GRIN2B: variants seen among roughly 807,000 people sequenced by gnomAD.
GRIN2B encodes the protein glutamate receptor ionotropic, NMDA 2B.
A neutral mutation model predicts 114.5 loss-of-function variants in GRIN2B; 5 were observed. That is an observed-to-expected ratio of 0.04 (90% confidence interval 0.02 to 0.09). The LOEUF (loss-of-function observed/expected upper bound fraction) is 0.09. Among genes scored for constraint, GRIN2B ranks in the 10% least tolerant of loss-of-function variants. GRIN2B has a pLI of 1.00. For missense variants in GRIN2B, 1,108 were observed against 1,943.5 expected (o/e 0.57, Z 8.08); for synonymous variants, 787 against 745.1 (o/e 1.06, Z -0.92).
intron 4 of GRIN2B, among the ~76,000 whole-genome samples, chr12:13,691,886 G>A (rs1950217565): frequency 6.6e-6 from 1 of 152,062 alleles, no homozygotes. Flanking sequence ...TCAGCAATGG[G>A]CAAAAACCAC....
chr12:13,842,051 G>A (rs1200764120), intron 3 of GRIN2B, among the ~76,000 whole-genome samples: 1 of 152,162 alleles, frequency 6.6e-6, no homozygotes, highest in East Asian at 1.9e-4. Flanking sequence ...CCTGGAAGGA[G>A]CAAAGTCCCC....
rs58985272 is a variant in GRIN2B at position 13,575,673 on chromosome 12, C to CAATAATAATAATAATAATAATAAT, written c.2011-3733_2011-3710dup. ...GACCCTGTCTCCAAAATGATAACAA[C>CAATAATAATAATAATAATAATAAT]AATAATAATAATAATAATAATAATC... On this transcript the variant is annotated intron_variant, in intron 10 of 13. Transcript: ENST00000609686. 1.1e-3 allele frequency among the ~76,000 whole-genome samples: 167 copies of CAATAATAATAATAATAATAATAAT among 147,688 alleles called. 1 individual carries two copies. The highest frequency in any genetic ancestry group is 3.5e-3 in the African/African-American group (139 of 39,764).
intron 2 of GRIN2B, among the ~76,000 whole-genome samples, chr12:13,962,300 C>T (rs1867709088): frequency 6.6e-6 from 1 of 152,106 alleles, no homozygotes; most frequent in Non-Finnish European, 1.5e-5. Context: ...ACCCCTGATT[C>T]CAGTACCAAA....
At chr12:13,786,814 T>A (rs954388625) in intron 3 of GRIN2B, among the ~76,000 whole-genome samples, 1 of 152,214 alleles carries the variant, frequency 6.6e-6, no homozygotes, top group Non-Finnish European at 1.5e-5. Context: ...GTGCCTGTTG[T>A]CCACTCCCTT....
chr12:13,607,550 G>A (rs944142529), intron 10 of GRIN2B, among the ~76,000 whole-genome samples: 1 of 139,630 alleles, frequency 7.2e-6, no homozygotes, highest in Non-Finnish European at 1.5e-5. Flanking sequence ...AAGTAGAGAT[G>A]TAGAAGGAAA....
At position 13,805,127 on chromosome 12, in the gene GRIN2B, G is replaced by C. The variant is rs142349593; in HGVS notation, c.412-51212C>G. On this transcript the variant is annotated intron_variant, in intron 3 of 13. Coordinates refer to ENST00000609686, the MANE Select transcript of GRIN2B (RefSeq NM_000834.5). ...TTATTTAGTACTTTATGTTTGAAAA[G>C]AGCTTTTCAATCATTGATTAGTTAT... is the stretch of plus-strand genomic sequence containing the variant. Among the ~76,000 whole-genome samples, 548 of 152,140 alleles carry C rather than the reference G, an allele frequency of 3.6e-3. 4 individuals carry two copies. The highest frequency in any genetic ancestry group is 0.013 in the African/African-American group (528 of 41,522).
At chr12:13,879,472 T>C (rs1398382317) in intron 2 of GRIN2B, among the ~76,000 whole-genome samples, 2 of 152,080 alleles carry the variant, frequency 1.3e-5, no homozygotes, top group Non-Finnish European at 2.9e-5. Flanking sequence ...TATATAACGT[T>C]AACTTTGTGG....
At chr12:13,650,067 TC>T (rs757648309) in intron 5 of GRIN2B, among the ~76,000 whole-genome samples, 141 of 152,134 alleles carry the variant, frequency 9.3e-4, no homozygotes, top group Non-Finnish European at 1.5e-3. Flanking sequence ...GATTGATGGT[TC>T]CTGGAAGAGT....
rs142892278 is a variant in GRIN2B, at chr12:13,957,925, T to C, written c.-19+22003A>G. ...GGACATAACGAATCTGGAGCTGACA[T>C]GTCCAAGGAGGAAACCACAGGCTGC... On this transcript the variant is annotated intron_variant, in intron 2 of 13. Transcript: ENST00000609686. Among the ~76,000 whole-genome samples the C allele has an allele frequency of 4.0e-3, 612 of 152,306 alleles. 6 individuals carry two copies. Among genetic ancestry groups the C allele is most frequent in the African/African-American group, 0.014 (589 of 41,574 alleles).
intron 2 of GRIN2B, among the ~76,000 whole-genome samples, chr12:13,918,689 G>A (rs187528472): frequency 6.6e-6 from 1 of 152,300 alleles, no homozygotes; most frequent in Non-Finnish European, 1.5e-5. Context: ...TTAAAGGGAT[G>A]GTTATTTGCT....
intron 3 of GRIN2B, among the ~76,000 whole-genome samples, chr12:13,764,444 A>T (rs988542947): frequency 6.6e-6 from 1 of 152,182 alleles, no homozygotes; most frequent in African/African-American, 2.4e-5. Flanking sequence ...GGAATGCTCT[A>T]ACCGGCTAAC....
chr12:13,631,246 G>C (rs1949613308), intron 5 of GRIN2B, among the ~76,000 whole-genome samples: 1 of 152,148 alleles, frequency 6.6e-6, no homozygotes, highest in Admixed American at 6.5e-5. Context: ...CTCCACTGAA[G>C]GGCAGGCGGA....
In GRIN2B at chr12:13,648,235, A is replaced by G. The variant is rs139174157; in HGVS notation, c.1125+27510T>C. Among the ~76,000 whole-genome samples, 42 of 152,220 alleles carry G rather than the reference A, an allele frequency of 2.8e-4. 1 individual carries two copies. The East Asian group carries it at 8.1e-3, about 30-fold the overall frequency. On this transcript the variant is annotated intron_variant, in intron 5 of 13. Coordinates refer to ENST00000609686, the MANE Select transcript of GRIN2B (RefSeq NM_000834.5). The stretch of plus-strand genomic sequence containing the variant: ...TAAAGCACAGTTTCAGAAAAAGCTC[A>G]ACGGACAGTTGAGAACTTATTCCAT...
chr12:13,885,314 C>A (rs1347666269), intron 2 of GRIN2B, among the ~76,000 whole-genome samples: 1 of 152,072 alleles, frequency 6.6e-6, no homozygotes, highest in African/African-American at 2.4e-5. Context: ...CAAAAAAGAG[C>A]AGTTAGGGTG....
At chr12:13,825,809 A>G (rs1865025585) in intron 3 of GRIN2B, among the ~76,000 whole-genome samples, 1 of 151,636 alleles carries the variant, frequency 6.6e-6, no homozygotes, top group Admixed American at 6.6e-5. Flanking sequence ...GAGCCACCGC[A>G]CCCGGCCAAT....
intron 2 of GRIN2B, among the ~76,000 whole-genome samples, chr12:13,903,084 A>G (rs1419722922): frequency 6.6e-6 from 1 of 152,038 alleles, no homozygotes; most frequent in East Asian, 1.9e-4. Flanking sequence ...TAGCACTTCT[A>G]GTGATATCCC....
rs774830867 is a variant in GRIN2B, at chr12:13,813,523, G to GTAA, written c.411+52272_411+52274dup. Among the ~76,000 whole-genome samples, 100 of 152,276 alleles carry GTAA rather than the reference G, an allele frequency of 6.6e-4. 1 individual carries two copies. The highest frequency in any genetic ancestry group is 3.2e-4 in the Non-Finnish European group (22 of 68,016). The stretch of plus-strand genomic sequence containing the variant: ...GCAGTGCAGGAACATCCAAATAACA[G>GTAA]TAATAATAATAGCTAGCATTAATGA... On this transcript the variant is annotated intron_variant, in intron 3 of 13. Transcript: ENST00000609686.
At chr12:13,810,844 T>C (rs1864716429) in intron 3 of GRIN2B, among the ~76,000 whole-genome samples, 1 of 152,244 alleles carries the variant, frequency 6.6e-6, no homozygotes, top group East Asian at 1.9e-4. Context: ...CTTGGGCCAG[T>C]CACTCGTACT....
At chr12:13,930,847 C>A (rs1337324118) in intron 2 of GRIN2B, among the ~76,000 whole-genome samples, 1 of 152,074 alleles carries the variant, frequency 6.6e-6, no homozygotes, top group African/African-American at 2.4e-5. Context: ...CAAAAAAAAA[C>A]CCATCTATAT....
Sources: allele counts gnomAD v4.1 joint callset (sites outside exome capture counted in the v4.1 genomes callset), GRCh38; gene constraint gnomAD v4.1.1; transcripts MANE v1.5; gene names NCBI Gene and HGNC (gene_info 2026-07-23, HGNC 2026-07-21).